NR1H3: variants seen among roughly 807,000 people sequenced by gnomAD.
NR1H3 encodes oxysterols receptor LXR-alpha.
A neutral mutation model predicts 48.1 loss-of-function variants in NR1H3; 19 were observed. The observed-to-expected ratio is 0.40, with a 90% CI of 0.28 to 0.58. The LOEUF is 0.58. Ranked by LOEUF, NR1H3 falls within the 20% of genes least tolerant of loss-of-function variation. The pLI is 0.50. For missense variants in NR1H3, 486 were observed against 595.9 expected (o/e 0.82, Z 1.92); for synonymous variants, 232 against 227.3 (o/e 1.02, Z -0.19).
chr11:47,249,075 T>G, intron 1 of NR1H3: 2 of 1,362,222 alleles, frequency 1.5e-6, no homozygotes, highest in South Asian at 3.0e-5. Flanking sequence ...CGCGTTTGCC[T>G]CTGCTCGGAG....
At chr11:47,251,732 A>T (rs1486049049) in intron 1 of NR1H3, among the ~76,000 whole-genome samples, 1 of 152,190 alleles carries the variant, frequency 6.6e-6, no homozygotes, top group African/African-American at 2.4e-5. Flanking sequence ...AACTAGCCAG[A>T]CCATTGTACT....
Position 47,260,461 on chromosome 11 carries a change from C to G in NR1H3, c.285C>G (p.Asn95Lys). ...KKGPAPKMLG[N>K]ELCSVCGDKA... is the part of the protein sequence containing the mutation. Reference sequence around the variant, plus strand: ...GGCCAGCCCCCAAAATGCTGGGGAACGAGCTATGCAGCGTGTGTGGGGACA... The same window carrying G: ...GGCCAGCCCCCAAAATGCTGGGGAAGGAGCTATGCAGCGTGTGTGGGGACA... The change falls in exon 4 of 10, where the codon AAC becomes AAG. Residue 95 changes from asparagine to lysine, a missense_variant. Transcript: ENST00000441012. The G allele has an allele frequency of 6.2e-7, 1 of 1,614,090 alleles. No homozygotes were observed. Among genetic ancestry groups the G allele is most frequent in the Non-Finnish European group, 8.5e-7 (1 of 1,179,936 alleles).
upstream of NR1H3, among the ~76,000 whole-genome samples, chr11:47,253,473 G>A (rs1954833069): frequency 6.6e-6 from 1 of 152,204 alleles, no homozygotes; most frequent in Non-Finnish European, 1.5e-5. Context: ...TCTATGTTGT[G>A]ATTGGAAGGT....
chr11:47,260,355 A>C (rs1955701911), intron 3 of NR1H3, 54 bp from the exon 4 acceptor site: 1 of 1,560,506 alleles, frequency 6.4e-7, no homozygotes, highest in East Asian at 2.3e-5. Context: ...TGAGTCAGGG[A>C]GAACATGATG....
intron 1 of NR1H3, chr11:47,258,551 CTT>C (rs978347522): frequency 2.0e-5 from 3 of 152,322 alleles, no homozygotes; most frequent in African/African-American, 7.2e-5. Context: ...GGAGCCCAGA[CTT>C]TGGAGTCAGA....
chr11:47,260,676 G>T lies in NR1H3; in HGVS notation c.499+1G>T. On this transcript the variant is annotated splice_donor_variant, in intron 4 of 9. Coordinates refer to ENST00000441012, the MANE Select transcript of NR1H3 (RefSeq NM_005693.4). LOFTEE classifies it high-confidence loss of function. ...CGTCAGGCTGGCATGCGGGAGGAGT[G>T]TGAGTTTCTGGGGCTGGAGTGGGGA... The T allele has an allele frequency of 6.3e-7, 1 of 1,591,448 alleles. No individual in the cohort carries two copies. Among genetic ancestry groups the T allele is most frequent in the Non-Finnish European group, 8.5e-7 (1 of 1,173,772 alleles).
At chr11:47,253,510 G>A (rs899374103), upstream of NR1H3, among the ~76,000 whole-genome samples, 17 of 152,146 alleles carry the variant, frequency 1.1e-4, no homozygotes, top group Non-Finnish European at 2.1e-4. Flanking sequence ...GAGTAGATAC[G>A]CAGTGGTCTG....
intron 7 of NR1H3, 22 bp from the exon 8 acceptor site, chr11:47,267,891 A>G: frequency 6.4e-7 from 1 of 1,552,362 alleles, no homozygotes; most frequent in Non-Finnish European, 8.9e-7. Flanking sequence ...TGCTTGCGTC[A>G]GCCTCCCTTC....
Position 47,268,830 on chromosome 11 carries a change from AAG to A in NR1H3, c.*139_*140del. The A allele has an allele frequency of 4.4e-6, 5 of 1,143,244 alleles. No homozygotes were observed. The highest frequency in any genetic ancestry group is 6.2e-6 in the Non-Finnish European group (5 of 812,650). 70.8% of individuals were successfully genotyped at this position (1,143,244 alleles called of 1,614,324 possible). On this transcript the variant is annotated 3_prime_UTR_variant, in exon 10 of 10. Coordinates refer to ENST00000441012, the MANE Select transcript of NR1H3 (RefSeq NM_005693.4). ...CAAGGAGATCCTCCCGTGGCATTAAAAGAGAGTCAAAGGGTTGCGAGTTTTGT... is the reference window on the plus strand; with the variant it reads ...CAAGGAGATCCTCCCGTGGCATTAAAAGAGTCAAAGGGTTGCGAGTTTTGT...
intron 1 of NR1H3, chr11:47,249,074 C>A: frequency 7.3e-7 from 1 of 1,368,884 alleles, no homozygotes; most frequent in Non-Finnish European, 9.7e-7. Flanking sequence ...TCGCGTTTGC[C>A]TCTGCTCGGA....
chr11:47,251,113 C>T (rs1272830480), intron 1 of NR1H3, among the ~76,000 whole-genome samples: 2 of 152,002 alleles, frequency 1.3e-5, no homozygotes, highest in Admixed American at 6.5e-5. Context: ...GAGCGGAGAT[C>T]GTGCCACTGC....
upstream of NR1H3, chr11:47,257,632 C>T (rs767526782): frequency 8.6e-5 from 85 of 984,608 alleles, no homozygotes; most frequent in Middle Eastern, 5.2e-4. Context: ...CTTTGCTCCA[C>T]GAGGTGCCTA....
Position 47,261,416 on chromosome 11 carries a change from C to G in NR1H3, c.675C>G (p.Asn225Lys), listed in dbSNP as rs1172123407. Residue 225 changes from asparagine to lysine, a missense_variant, in exon 5 of 10, where the codon AAC becomes AAG. By Grantham distance (94) the Asn-to-Lys change is moderately conservative (BLOSUM62 0). Transcript: ENST00000441012. ...EKLVAAQQQC[N>K]RRSFSDRLRV... ...TCGTCGCTGCCCAGCAACAGTGTAACCGGCGCTCCTTTTCTGACCGGCTTC... is the reference window on the plus strand; with the variant it reads ...TCGTCGCTGCCCAGCAACAGTGTAAGCGGCGCTCCTTTTCTGACCGGCTTC... 1.9e-6 allele frequency: 3 copies of G among 1,614,136 alleles called. No individual in the cohort carries two copies.
At chr11:47,256,906 A>G (rs1191200962), upstream of NR1H3, among the ~76,000 whole-genome samples, 1 of 151,640 alleles carries the variant, frequency 6.6e-6, no homozygotes, top group Non-Finnish European at 1.5e-5. Flanking sequence ...AATTTTTTGT[A>G]TTTTTAGGAG....
Position 47,261,272 on chromosome 11 carries a change from G to A in NR1H3, c.531G>A (p.Lys177=). 1 of 1,612,656 alleles carries A rather than the reference G, an allele frequency of 6.2e-7. No homozygotes were observed. Among genetic ancestry groups the A allele is most frequent in the East Asian group, 2.2e-5 (1 of 44,768 alleles). ...CVLSEEQIRL[K]KLKRQEEEQA... ...TGTCAGAAGAACAGATCCGCCTGAA[G>A]AAACTGAAGCGGCAAGAGGAGGAAC... Residue 177 remains lysine, a synonymous_variant, in exon 5 of 10, where the codon AAG becomes AAA. Coordinates refer to ENST00000441012, the MANE Select transcript of NR1H3 (RefSeq NM_005693.4).
At position 47,260,774 on chromosome 11, in the gene NR1H3, C is replaced by T. The variant is rs1955758308; in HGVS notation, c.499+99C>T. ...CCTGAACTTGCAGGGGCTAACTGAT[C>T]CCTAAGTATGGATCCCAGTATCTTT... On this transcript the variant is annotated intron_variant, in intron 4 of 9. Coordinates refer to ENST00000441012, the MANE Select transcript of NR1H3 (RefSeq NM_005693.4). 9 of 1,395,972 alleles carry T rather than the reference C, an allele frequency of 6.4e-6. No homozygotes were observed. The Admixed American group carries it at 1.6e-4, about 24-fold the overall frequency. 86.5% of individuals were successfully genotyped at this position (1,395,972 alleles called of 1,614,324 possible).
chr11:47,259,803 A>C lies in NR1H3; in HGVS notation c.56A>C (p.Glu19Ala), dbSNP rs1237026639. The change falls in exon 3 of 10, where the codon GAG becomes GCG. Residue 19 changes from glutamate to alanine, a missense_variant. Physicochemically the swap from Glu to Ala is moderately radical, Grantham distance 107. Transcript: ENST00000441012. Reference protein sequence around the residue: ...VPDIPPDSAVELWKPGAQDAS... With the variant: ...VPDIPPDSAVALWKPGAQDAS... Reference sequence around the variant, plus strand: ...TTTTGGAGCTCAGACTCTGCGGTGGAGCTGTGGAAGCCAGGCGCACAGGAT... The same window carrying C: ...TTTTGGAGCTCAGACTCTGCGGTGGCGCTGTGGAAGCCAGGCGCACAGGAT... 6.2e-7 allele frequency: 1 copy of C among 1,611,832 alleles called. No homozygotes were observed. The highest frequency in any genetic ancestry group is 1.3e-5 in the African/African-American group (1 of 74,784).
chr11:47,265,026 G>A (rs536864034), intron 7 of NR1H3, among the ~76,000 whole-genome samples: 11 of 152,288 alleles, frequency 7.2e-5, no homozygotes, highest in African/African-American at 2.4e-4. Flanking sequence ...GGGCGTGGTG[G>A]CTTACACCTG....
In NR1H3 at chr11:47,260,092, G is replaced by A. The variant is rs553708425; in HGVS notation, c.232+113G>A. ...ATATAATCTCATGGTTAAGTTCAGA[G>A]GCTTTAGAGCTAACTAAATCTGACT... On this transcript the variant is annotated intron_variant, in intron 3 of 9. Coordinates refer to ENST00000441012, the MANE Select transcript of NR1H3 (RefSeq NM_005693.4). 1.8e-5 allele frequency: 18 copies of A among 1,017,850 alleles called. No homozygotes were observed. The African/African-American group carries it at 2.8e-4, about 16-fold the overall frequency. 63.1% of individuals were successfully genotyped at this position (1,017,850 alleles called of 1,614,324 possible).
Sources: allele counts gnomAD v4.1 joint callset (sites outside exome capture counted in the v4.1 genomes callset), GRCh38; gene constraint gnomAD v4.1.1; transcripts MANE v1.5; gene names NCBI Gene and HGNC (gene_info 2026-07-23, HGNC 2026-07-21).